ARAP1: variants seen among roughly 807,000 people sequenced by gnomAD.
ARAP1 encodes arf-GAP with Rho-GAP domain, ANK repeat and PH domain-containing protein 1.
A neutral mutation model predicts 172.2 loss-of-function variants in ARAP1; 76 were observed. The ratio of observed to expected loss-of-function variants is 0.44; its 90% confidence interval spans 0.37 to 0.53. The LOEUF (loss-of-function observed/expected upper bound fraction) is 0.53, where lower values mean the gene tolerates loss of function less well. Among genes scored for constraint, ARAP1 ranks in the 20% least tolerant of loss-of-function variants. The pLI, the probability that ARAP1 is intolerant of heterozygous loss-of-function variation, is 0.00. For synonymous variants in ARAP1, 804 were observed against 803.3 expected, an observed-to-expected ratio of 1.00 and a Z score of -0.01; for missense variants, 1,686 against 1,977.5, an observed-to-expected ratio of 0.85 and a Z score of 2.80.
intron 4 of ARAP1, 61 bp downstream of exon 4, chr11:72,714,091 C>T: frequency 7.2e-7 from 1 of 1,386,580 alleles, no homozygotes; most frequent in South Asian, 1.7e-5. Flanking sequence ...CTTCCAGAGG[C>T]CTGATTCCAG....
At position 72,693,802 on chromosome 11, in the gene ARAP1, C is replaced by T. The variant is rs147016656; in HGVS notation, c.3698G>A (p.Arg1233His). Residue 1233 changes from arginine (R) to histidine (H), a missense_variant, in exon 28 of 35, where the codon CGC (arginine) becomes CAC (histidine). Transcript: ENST00000393609. This position sits in a 1 kb window ranked among gnomAD's most constrained non-coding sequence, Gnocchi z 4.6. ...FEVNEREEAE[R>H]PLHFAEKVLP... ...CACCTTCTCCGCAAAGTGCAGGGGG[C>T]GCTCTGGGGAGAGGTCACACCTACC... 7.5e-6 allele frequency: 12 copies of T among 1,597,206 alleles called. No individual in the cohort carries two copies. The highest frequency in any genetic ancestry group is 6.7e-5 in the African/African-American group (5 of 74,566).
intron 2 of ARAP1, among the ~76,000 whole-genome samples, chr11:72,729,349 A>C (rs1381958755): frequency 6.6e-6 from 1 of 152,140 alleles, no homozygotes; most frequent in African/African-American, 2.4e-5. Context: ...CCCAGCACTT[A>C]GGGATGCTGA....
chr11:72,720,681 C>T (rs1329209436), intron 3 of ARAP1, among the ~76,000 whole-genome samples: 1 of 152,212 alleles, frequency 6.6e-6, no homozygotes. Context: ...CTTCACCCAG[C>T]TCTCAGCACT....
chr11:72,697,239 G>A, intron 21 of ARAP1, 44 bp from the exon 22 acceptor site: 3 of 1,591,190 alleles, frequency 1.9e-6, no homozygotes, highest in Non-Finnish European at 1.7e-6. Flanking sequence ...GAGGCATAGA[G>A]TCATGGGGCG....
Position 72,707,198 on chromosome 11 carries a change from A to G in ARAP1, c.1700T>C (p.Val567Ala). 6.3e-7 allele frequency: 1 copy of G among 1,598,770 alleles called. No homozygotes were observed. Among genetic ancestry groups the G allele is most frequent in the Non-Finnish European group, 8.5e-7 (1 of 1,172,574 alleles). Residue 567 changes from valine (V) to alanine (A), a missense_variant, in exon 12 of 35, where the codon GTT becomes GCT. Physicochemically the swap from Val to Ala is moderately conservative, Grantham distance 64. Transcript: ENST00000393609. Reference sequence around the variant, plus strand: ...ACCTGCACAGCGCTTGCAGATAACAACACAGAGGTTGATGGAGGCCCAGTC... The same window carrying G: ...ACCTGCACAGCGCTTGCAGATAACAGCACAGAGGTTGATGGAGGCCCAGTC... The part of the protein sequence containing the change: ...QPDWASINLC[V>A]VICKRCAGEH...
At chr11:72,711,394 G>A (rs1482156259) in intron 8 of ARAP1, 36 bp downstream of exon 8, 1 of 1,597,904 alleles carries the variant, frequency 6.3e-7, no homozygotes, top group African/African-American at 1.3e-5. Context: ...GCCTAGGCTG[G>A]AGCAGGGGTC....
intron 33 of ARAP1, 129 bp from the exon 34 acceptor site, chr11:72,686,320 G>A (rs1413096695): frequency 1.6e-5 from 20 of 1,231,882 alleles, no homozygotes; most frequent in Middle Eastern, 2.9e-4. Flanking sequence ...TTTGATCCCC[G>A]CCGATATGAG....
rs1021761216 is a variant in ARAP1 at position 72,711,155 on chromosome 11, A to G, written c.1093-14T>C. On this transcript the variant is annotated splice_polypyrimidine_tract_variant and intron_variant, in intron 8 of 34. Coordinates refer to ENST00000393609, the MANE Select transcript of ARAP1 (RefSeq NM_001040118.3). Reference sequence around the variant, plus strand: ...AGAGTAAGCGTCCTGGGGGAGAGACAGGAACTATATTTTGGGACCCAGCAC... The same window carrying G: ...AGAGTAAGCGTCCTGGGGGAGAGACGGGAACTATATTTTGGGACCCAGCAC... The G allele has an allele frequency of 6.2e-7, 1 of 1,614,040 alleles. No homozygotes were observed. The highest frequency in any genetic ancestry group is 8.5e-7 in the Non-Finnish European group (1 of 1,179,948).
chr11:72,733,249 G>A (rs1207413974), intron 1 of ARAP1, among the ~76,000 whole-genome samples: 5 of 152,186 alleles, frequency 3.3e-5, no homozygotes, highest in Non-Finnish European at 7.3e-5. Flanking sequence ...GGGGCAGACT[G>A]TGGAAGGGAC....
chr11:72,746,289 C>T (rs1309947056), intron 1 of ARAP1, among the ~76,000 whole-genome samples: 1 of 152,172 alleles, frequency 6.6e-6, no homozygotes, highest in Non-Finnish European at 1.5e-5. Context: ...GCAGGGTTCC[C>T]AGATTTCTTG....
At chr11:72,687,609 AGTG>A (rs1855746515) in intron 32 of ARAP1, 76 bp downstream of exon 32, 6 of 1,611,922 alleles carry the variant, frequency 3.7e-6, no homozygotes, top group Non-Finnish European at 5.1e-6. Context: ...AGATCTGGGC[AGTG>A]ATGAGGGACA....
intron 1 of ARAP1, among the ~76,000 whole-genome samples, chr11:72,733,436 G>A (rs1052984949): frequency 6.6e-6 from 1 of 152,170 alleles, no homozygotes; most frequent in South Asian, 2.1e-4. Flanking sequence ...ACTGAGTCAG[G>A]GGCATGAGAC....
chr11:72,745,158 C>G (rs941743027), intron 1 of ARAP1, among the ~76,000 whole-genome samples: 2 of 151,908 alleles, frequency 1.3e-5, no homozygotes, highest in Admixed American at 6.6e-5. Flanking sequence ...AGCTGCAAAC[C>G]CACACAGCAG....
chr11:72,705,324 G>A (rs1856706646), intron 13 of ARAP1: 1 of 159,206 alleles, frequency 6.3e-6, no homozygotes, highest in African/African-American at 2.4e-5. Flanking sequence ...TGCAAGGTAG[G>A]GGAGAAGGCC....
chr11:72,720,615 CA>C (rs1438941674), intron 3 of ARAP1, among the ~76,000 whole-genome samples: 4 of 152,170 alleles, frequency 2.6e-5, no homozygotes, highest in Non-Finnish European at 5.9e-5. Flanking sequence ...TGCAGCTCCC[CA>C]AACTCTCCAT....
At chr11:72,698,632 C>G (rs534282951) in intron 18 of ARAP1, among the ~76,000 whole-genome samples, 1 of 152,318 alleles carries the variant, frequency 6.6e-6, no homozygotes, top group East Asian at 1.9e-4. Flanking sequence ...AGAGCTCTCC[C>G]GGTGGCCTCC....
intron 16 of ARAP1, among the ~76,000 whole-genome samples, chr11:72,701,181 G>A (rs904027739): frequency 2.6e-5 from 4 of 151,986 alleles, no homozygotes; most frequent in South Asian, 2.1e-4. Flanking sequence ...AGGTGACGAC[G>A]TGTCTGAGAA....
intron 3 of ARAP1, among the ~76,000 whole-genome samples, chr11:72,717,109 G>C (rs919614497): frequency 6.6e-6 from 1 of 152,166 alleles, no homozygotes; most frequent in Non-Finnish European, 1.5e-5. Flanking sequence ...CAACGGAAGG[G>C]GTGAACGATG....
Position 72,711,046 on chromosome 11 carries a change from G to A in ARAP1, c.1188C>T (p.Thr396=), listed in dbSNP as rs765592665. 1 of 1,614,240 alleles carries A rather than the reference G, an allele frequency of 6.2e-7. No homozygotes were observed. Among genetic ancestry groups the A allele is most frequent in the Admixed American group, 1.7e-5 (1 of 60,028 alleles). The change falls in exon 9 of 35, where the codon ACC becomes ACT. Residue 396 remains threonine, a synonymous_variant. Coordinates refer to ENST00000393609, the MANE Select transcript of ARAP1 (RefSeq NM_001040118.3). ...QKFEVITNNR[T]FAFRAESDVE... ...CATCACTCTCTGCCCGGAAGGCAAA[G>A]GTTCGGTTGTTTGTGATCACTTCAA... is the stretch of plus-strand genomic sequence containing the variant.
Sources: gnomAD v4.1 joint callset for allele counts (sites outside exome capture counted in the v4.1 genomes callset) on GRCh38, gnomAD v4.1.1 for gene constraint, Gnocchi (gnomAD v3.1) non-coding constraint, MANE v1.5 for transcripts, NCBI Gene and HGNC (gene_info 2026-07-23, HGNC 2026-07-21) for gene names.